MAGI2: variants seen among roughly 807,000 people sequenced by gnomAD.
The protein encoded by MAGI2 is membrane associated guanylate kinase, WW and PDZ domain containing 2, also known as membrane-associated guanylate kinase, WW and PDZ domain-containing protein 2.
A neutral mutation model predicts 133.3 loss-of-function variants in MAGI2; 35 were observed. The ratio of observed to expected loss-of-function variants is 0.26; its 90% CI spans 0.20 to 0.35. The LOEUF (loss-of-function observed/expected upper bound fraction) is 0.35, where lower values mean the gene tolerates loss of function less well. Ranked by LOEUF, MAGI2 falls within the 10% of genes least tolerant of loss-of-function variation. The pLI is 1.00. For missense variants in MAGI2, 1,636 were observed against 1,863.4 expected, an observed-to-expected ratio of 0.88 and a Z score of 2.25; for synonymous variants, 729 against 710.6, an observed-to-expected ratio of 1.03 and a Z score of -0.41.
chr7:78,765,400 G>A (rs1190953546), intron 2 of MAGI2, among the ~76,000 whole-genome samples: 2 of 138,746 alleles, frequency 1.4e-5, no homozygotes, highest in Non-Finnish European at 3.0e-5. Flanking sequence ...CAAGGCTGGA[G>A]TACAGTGGTG....
chr7:78,573,211 T>TATAA (rs1801761630), intron 3 of MAGI2, among the ~76,000 whole-genome samples: 5 of 74,774 alleles, frequency 6.7e-5, no homozygotes, highest in Admixed American at 4.1e-4. Flanking sequence ...TATAAATATA[T>TATAA]ATATAAATAT....
chr7:78,558,000 A>C (rs980179164), intron 3 of MAGI2, among the ~76,000 whole-genome samples: 4 of 151,284 alleles, frequency 2.6e-5, no homozygotes, highest in Non-Finnish European at 5.9e-5. Flanking sequence ...AAAATAGTTG[A>C]TTGTGTATGT....
At chr7:78,599,895 C>T (rs1273548258) in intron 3 of MAGI2, among the ~76,000 whole-genome samples, 1 of 152,156 alleles carries the variant, frequency 6.6e-6, no homozygotes, top group Non-Finnish European at 1.5e-5. Context: ...TCTCTGAATT[C>T]TGCATTTGCC....
chr7:78,719,091 AC>A (rs1361725526), intron 2 of MAGI2, among the ~76,000 whole-genome samples: 1 of 152,208 alleles, frequency 6.6e-6, no homozygotes, highest in African/African-American at 2.4e-5. Context: ...ATCTAGATTT[AC>A]CTGAAGAATT....
intron 1 of MAGI2, among the ~76,000 whole-genome samples, chr7:79,361,043 A>C (rs1289172774): frequency 6.6e-6 from 1 of 152,194 alleles, no homozygotes; most frequent in Non-Finnish European, 1.5e-5. Context: ...TGCAAACTTT[A>C]ATTTTAAAAA....
At chr7:78,922,198 T>A (rs1194917274) in intron 2 of MAGI2, among the ~76,000 whole-genome samples, 2 of 151,484 alleles carry the variant, frequency 1.3e-5, no homozygotes, top group African/African-American at 4.8e-5. Context: ...TTCTTTTTTT[T>A]ATTATTATTA....
At chr7:78,183,021 A>G (rs1334210028) in intron 13 of MAGI2, among the ~76,000 whole-genome samples, 1 of 152,206 alleles carries the variant, frequency 6.6e-6, no homozygotes, top group African/African-American at 2.4e-5. Flanking sequence ...CCTAGTCCCA[A>G]TGAACCACAG....
intron 1 of MAGI2, among the ~76,000 whole-genome samples, chr7:79,168,889 G>GACAT (rs1825214207): frequency 6.8e-5 from 1 of 14,640 alleles, no homozygotes; most frequent in Admixed American, 8.0e-4. Context: ...TCTAAAGATA[G>GACAT]ATATATATAT....
At chr7:78,834,110 A>G (rs572099997) in intron 2 of MAGI2, among the ~76,000 whole-genome samples, 141 of 152,230 alleles carry the variant, frequency 9.3e-4, no homozygotes, top group African/African-American at 3.1e-3. Flanking sequence ...CTTATTTTAA[A>G]CAAAAATTTG....
chr7:78,241,282 GAGTTCTGTTTCTGCTACTTCTA>G (rs2150906972), intron 10 of MAGI2, among the ~76,000 whole-genome samples: 1 of 152,286 alleles, frequency 6.6e-6, no homozygotes, highest in East Asian at 1.9e-4. Flanking sequence ...ATTCAGGTGT[GAGTTCTGTTTCTGCTACTTCTA>G]AATGGTGTGA....
intron 7 of MAGI2, among the ~76,000 whole-genome samples, chr7:78,353,904 T>C (rs909427432): frequency 1.3e-5 from 2 of 152,170 alleles, no homozygotes; most frequent in Non-Finnish European, 2.9e-5. Flanking sequence ...GAGTTTTGTT[T>C]AGTCTGAAGA....
intron 9 of MAGI2, among the ~76,000 whole-genome samples, chr7:78,296,320 G>GCTGT (rs1797237072): frequency 6.6e-6 from 1 of 152,124 alleles, no homozygotes; most frequent in Non-Finnish European, 1.5e-5. Context: ...CCAGCCTGTT[G>GCTGT]CTGTCAGGCC....
At chr7:79,127,831 G>T (rs1488401715) in intron 1 of MAGI2, among the ~76,000 whole-genome samples, 2 of 152,054 alleles carry the variant, frequency 1.3e-5, no homozygotes, top group East Asian at 1.9e-4. Context: ...ATTTTGGCTT[G>T]TGTTGCCATT....
chr7:79,369,852 T>C (rs544654914), intron 1 of MAGI2, among the ~76,000 whole-genome samples: 3 of 152,304 alleles, frequency 2.0e-5, no homozygotes, highest in African/African-American at 7.2e-5. Context: ...TGAAAAAACA[T>C]CATAGATAAA....
At chr7:78,139,451 G>GCCTATGACC (rs1213656660) in intron 16 of MAGI2, among the ~76,000 whole-genome samples, 2 of 152,158 alleles carry the variant, frequency 1.3e-5, no homozygotes, top group Non-Finnish European at 2.9e-5. Flanking sequence ...GGTCTACAGA[G>GCCTATGACC]CCTATGACCT....
At chr7:78,367,826 G>A (rs577945450) in intron 7 of MAGI2, among the ~76,000 whole-genome samples, 88 of 152,246 alleles carry the variant, frequency 5.8e-4, no homozygotes, top group African/African-American at 1.7e-3. Context: ...TTTAGGGACC[G>A]TAACTATGTT....
chr7:79,120,119 T>C (rs1819758539), intron 1 of MAGI2, among the ~76,000 whole-genome samples: 1 of 152,108 alleles, frequency 6.6e-6, no homozygotes, highest in African/African-American at 2.4e-5. Flanking sequence ...AGCAACACTT[T>C]AGGAACATCT....
At chr7:78,398,344 C>G (rs1034373048) in intron 6 of MAGI2, among the ~76,000 whole-genome samples, 2 of 152,120 alleles carry the variant, frequency 1.3e-5, no homozygotes, top group Admixed American at 6.6e-5. Flanking sequence ...CTCAACTTGA[C>G]TTGACTCTTA....
chr7:78,985,708 A>G (rs1314896938), intron 2 of MAGI2, among the ~76,000 whole-genome samples: 1 of 152,092 alleles, frequency 6.6e-6, no homozygotes, highest in Non-Finnish European at 1.5e-5. Context: ...TCTACCGTAC[A>G]CTGGAGTGGC....
Sources: allele counts gnomAD v4.1 joint callset (sites outside exome capture counted in the v4.1 genomes callset), GRCh38; gene constraint gnomAD v4.1.1; transcripts MANE v1.5; gene names NCBI Gene and HGNC (gene_info 2026-07-23, HGNC 2026-07-21).